Variants in MIA2 observed in about 807,000 individuals in gnomAD.
MIA2 encodes the protein melanoma inhibitory activity protein 2.
In MIA2, 127 loss-of-function variants were observed where a neutral mutation model predicts 167.8. The observed-to-expected ratio is 0.76, with a 90% confidence interval of 0.66 to 0.88. The LOEUF (loss-of-function observed/expected upper bound fraction) is 0.88. MIA2 is among the 40% of genes least tolerant of loss of function. MIA2 has a pLI of 0.00. For missense variants in MIA2, 1,690 were observed against 1,624.7 expected, an observed-to-expected ratio of 1.04 and a Z score of -0.69; for synonymous variants, 552 against 541.9, an observed-to-expected ratio of 1.02 and a Z score of -0.26.
chr14:39,243,910 A>G (rs547299727), intron 3 of MIA2, among the ~76,000 whole-genome samples: 1 of 152,340 alleles, frequency 6.6e-6, no homozygotes, highest in East Asian at 1.9e-4. Flanking sequence ...GATACAGAGG[A>G]AACTGTCCAT....
At chr14:39,319,987 CTT>C (rs999059135) in intron 23 of MIA2, among the ~76,000 whole-genome samples, 3 of 152,008 alleles carry the variant, frequency 2.0e-5, no homozygotes, top group African/African-American at 7.2e-5. Flanking sequence ...ATAAAAATCA[CTT>C]TTGAGAGTAA....
At position 39,245,081 on chromosome 14, in the gene MIA2, C is replaced by CT. The variant is rs10683715; in HGVS notation, c.337-1818dup. Among the ~76,000 whole-genome samples, 16 of 119,702 alleles carry CT rather than the reference C, an allele frequency of 1.3e-4. 1 individual carries two copies. In the South Asian group the frequency reaches 2.1e-3, roughly 16 times the overall value. 78.5% of individuals were successfully genotyped at this position (119,702 alleles called of 152,430 possible). On this transcript the variant is annotated intron_variant, in intron 3 of 28. Transcript: ENST00000640607. ...GCATGGGCCGCCGCACCTAGCTAAC[C>CT]TTTTTTTTTTTTAAAGACAGGATCT...
At chr14:39,302,293 G>C (rs1228964758) in intron 15 of MIA2, 44 bp downstream of exon 15, 1 of 1,601,900 alleles carries the variant, frequency 6.2e-7, no homozygotes, top group Non-Finnish European at 8.5e-7. Context: ...ATGGTGACTA[G>C]CTCTTCTATT....
chr14:39,299,486 T>C (rs1207494101), intron 13 of MIA2, among the ~76,000 whole-genome samples: 1 of 152,160 alleles, frequency 6.6e-6, no homozygotes, highest in Non-Finnish European at 1.5e-5. Flanking sequence ...TTTTGTGTTT[T>C]AGTAGAGACG....
rs539446066 is a variant in MIA2, at chr14:39,314,806, A to ATGTGTGTGTGTGTG, written c.3180+8_3180+9insGTGTGTGTGTGTGT. On this transcript the variant is annotated splice_region_variant and intron_variant, in intron 20 of 28. Transcript: ENST00000640607. ...TCATTCTTATCAAGGGCAGGTATAT[A>ATGTGTGTGTGTGTG]TATATGTGTGTGTGTGTGTGTGTGT... 1.4e-4 allele frequency: 197 copies of ATGTGTGTGTGTGTG among 1,387,490 alleles called. 29 individuals carry two copies. Among genetic ancestry groups the ATGTGTGTGTGTGTG allele is most frequent in the Admixed American group, 2.5e-4 (12 of 48,100 alleles). The allele number at this position is 1,387,490 out of a possible 1,614,324, so 85.9% of individuals were successfully genotyped here. A position where few individuals can be genotyped will look rare whatever the true frequency, so the allele number is the denominator to read the frequency against.
At chr14:39,357,486 T>G (rs1277633440) in intron 23 of MIA2, among the ~76,000 whole-genome samples, 1 of 139,924 alleles carries the variant, frequency 7.1e-6, no homozygotes, top group East Asian at 2.5e-4. Context: ...AGCACACTGA[T>G]GGGTCTTGAC....
chr14:39,237,761 CA>C (rs2053824651), intron 2 of MIA2, among the ~76,000 whole-genome samples: 1 of 151,942 alleles, frequency 6.6e-6, no homozygotes, highest in Non-Finnish European at 1.5e-5. Context: ...TTTTTTGAGA[CA>C]AAGTCTCGCT....
chr14:39,244,359 T>C (rs890388358), intron 3 of MIA2, among the ~76,000 whole-genome samples: 1 of 152,160 alleles, frequency 6.6e-6, no homozygotes, highest in South Asian at 2.1e-4. Flanking sequence ...GATGCCTTCA[T>C]TTCAGGGGTA....
chr14:39,315,120 TAAAAAAAA>T (rs558848153), intron 20 of MIA2: 63,812 of 106,108 alleles, frequency 0.6, 17,590 homozygotes, highest in South Asian at 0.69. Context: ...CTGTCTCTAC[TAAAAAAAA>T]AAAAAAAAAA....
At chr14:39,336,089 G>C (rs960008533) in intron 25 of MIA2, among the ~76,000 whole-genome samples, 13 of 152,120 alleles carry the variant, frequency 8.5e-5, no homozygotes, top group Non-Finnish European at 1.3e-4. Flanking sequence ...CTTTTTTGTA[G>C]AACGACTTAG....
intron 25 of MIA2, among the ~76,000 whole-genome samples, chr14:39,330,095 G>T (rs1365162115): frequency 6.6e-6 from 1 of 152,114 alleles, no homozygotes; most frequent in Non-Finnish European, 1.5e-5. Context: ...AATCCATCTG[G>T]TCCTGGACTT....
chr14:39,295,098 C>T, intron 13 of MIA2, 69 bp downstream of exon 13: 1 of 1,055,734 alleles, frequency 9.5e-7, no homozygotes, highest in Non-Finnish European at 1.5e-6. Flanking sequence ...ATCCTCATGA[C>T]TGACCCATGC....
chr14:39,279,160 C>CAAAA (rs71435634), intron 7 of MIA2, among the ~76,000 whole-genome samples, 177 bp from the exon 8 acceptor site: 6 of 96,330 alleles, frequency 6.2e-5, no homozygotes, highest in African/African-American at 1.7e-4. Context: ...GACTCTGTCT[C>CAAAA]AAAAAAAAAA....
At chr14:39,299,071 A>T (rs1045298594) in intron 13 of MIA2, among the ~76,000 whole-genome samples, 14 of 45,832 alleles carry the variant, frequency 3.1e-4, no homozygotes, top group South Asian at 6.1e-4. Flanking sequence ...CTGCCTCTAA[A>T]AAAAAAAAAA....
intron 24 of MIA2, among the ~76,000 whole-genome samples, chr14:39,325,232 A>C (rs1165237165): frequency 6.6e-6 from 1 of 152,000 alleles, no homozygotes. Context: ...TGTCTCAAAA[A>C]AAAAAATGTT....
rs200121508 is a variant in MIA2 at position 39,270,161 on chromosome 14, T to C, written c.1888-6773T>C. ...TTTCTTTTGTTTTTAATTGCCACCC[T>C]TGTGGGTGTACAGGTGAGTGGTATT... On this transcript the variant is annotated intron_variant, in intron 6 of 28. Coordinates refer to ENST00000640607, the MANE Select transcript of MIA2 (RefSeq NM_001329214.4). Among the ~76,000 whole-genome samples, 6 of 151,820 alleles carry C rather than the reference T, an allele frequency of 4.0e-5. No homozygotes were observed. In the East Asian group the frequency reaches 9.7e-4, roughly 25 times the overall value.
intron 6 of MIA2, chr14:39,266,202 A>G (rs186117861): frequency 4.1e-6 from 4 of 985,344 alleles, no homozygotes; most frequent in Non-Finnish European, 4.8e-6. Context: ...TTGCTTCACC[A>G]AAGTACTTGA....
intron 9 of MIA2, among the ~76,000 whole-genome samples, chr14:39,280,227 C>T (rs1244955958): frequency 6.6e-6 from 1 of 151,866 alleles, no homozygotes; most frequent in African/African-American, 2.4e-5. Context: ...TGTTTTTTGC[C>T]AATAACATGC....
At chr14:39,335,858 T>C (rs1332244247) in intron 25 of MIA2, among the ~76,000 whole-genome samples, 1 of 152,208 alleles carries the variant, frequency 6.6e-6, no homozygotes, top group African/African-American at 2.4e-5. Context: ...TAAGAATGTG[T>C]TAGTTTTATA....
Sources: gnomAD v4.1 joint callset for allele counts (sites outside exome capture counted in the v4.1 genomes callset) on GRCh38, gnomAD v4.1.1 for gene constraint, MANE v1.5 for transcripts, NCBI Gene and HGNC (gene_info 2026-07-23, HGNC 2026-07-21) for gene names.